The following FARP1 variants were observed in gnomAD, a reference collection of about 807,000 sequenced individuals.
The protein encoded by FARP1 is FERM, ARHGEF and pleckstrin domain-containing protein 1.
FARP1 carries 52 observed loss-of-function variants against 128.8 expected under a neutral mutation model. The ratio of observed to expected loss-of-function variants is 0.40; its 90% CI spans 0.32 to 0.51. The LOEUF (loss-of-function observed/expected upper bound fraction) is 0.51, where lower values mean the gene tolerates loss of function less well. FARP1 is among the 20% of genes least tolerant of loss of function. The pLI, the probability that FARP1 is intolerant of heterozygous loss-of-function variation, is 0.45. For missense variants in FARP1, 1,333 were observed against 1,367.9 expected (o/e 0.97, Z 0.40); for synonymous variants, 580 against 551.8 (o/e 1.05, Z -0.72).
At chr13:98,278,305 TGA>T (rs200011025) in intron 2 of FARP1, among the ~76,000 whole-genome samples, 6,077 of 150,692 alleles carry the variant, frequency 0.04, 154 homozygotes, top group Middle Eastern at 0.075. Flanking sequence ...TGTGTGTGTG[TGA>T]GAGTATACTG....
chr13:98,408,805 G>A (rs913700877), intron 13 of FARP1, among the ~76,000 whole-genome samples: 6 of 152,232 alleles, frequency 3.9e-5, no homozygotes, highest in African/African-American at 1.4e-4. Context: ...GACATGGAAT[G>A]ACATCACCAG....
At chr13:98,166,533 C>T (rs1215984205) in intron 1 of FARP1, among the ~76,000 whole-genome samples, 1 of 152,046 alleles carries the variant, frequency 6.6e-6, no homozygotes, top group Non-Finnish European at 1.5e-5. Context: ...GAAACTGAGG[C>T]AGGAGAGATG....
chr13:98,202,122 G>A (rs1030248891), intron 1 of FARP1, among the ~76,000 whole-genome samples: 8 of 152,204 alleles, frequency 5.3e-5, no homozygotes, highest in African/African-American at 1.2e-4. Flanking sequence ...GAGGAGGGCC[G>A]GGCTGGCAGC....
intron 2 of FARP1, among the ~76,000 whole-genome samples, chr13:98,228,253 G>A (rs1302497030): frequency 6.6e-6 from 1 of 152,160 alleles, no homozygotes; most frequent in Non-Finnish European, 1.5e-5. Flanking sequence ...CCAGCTACTG[G>A]GGAGGCTGAG....
At chr13:98,393,563 G>C in intron 11 of FARP1, 80 bp from the exon 12 acceptor site, 1 of 1,106,844 alleles carries the variant, frequency 9.0e-7, no homozygotes, top group South Asian at 1.3e-5. Context: ...CCAACAAAAG[G>C]ACTTTTGTTT....
intron 2 of FARP1, among the ~76,000 whole-genome samples, chr13:98,339,066 G>C (rs545474390): frequency 2.0e-5 from 3 of 152,212 alleles, no homozygotes; most frequent in Admixed American, 6.5e-5. Flanking sequence ...AGCGCTTTAG[G>C]CTTAGCTGCC....
At chr13:98,223,585 C>G (rs1881563791) in intron 2 of FARP1, among the ~76,000 whole-genome samples, 1 of 152,162 alleles carries the variant, frequency 6.6e-6, no homozygotes, top group African/African-American at 2.4e-5. Flanking sequence ...CTCGGCCTCC[C>G]AAAGTCCTGG....
At position 98,292,150 on chromosome 13, in the gene FARP1, C is replaced by G. The variant is rs564382218; in HGVS notation, c.172-51612C>G. 1.6e-4 allele frequency among the ~76,000 whole-genome samples: 24 copies of G among 152,356 alleles called. No individual in the cohort carries two copies. The South Asian group carries it at 5.0e-3, about 32-fold the overall frequency. Reference sequence around the variant, plus strand: ...AAGTGTGTTGTTCTGGAAGCATCCACAGCCCTTTCAGTGTATCTTACATGC... The same window carrying G: ...AAGTGTGTTGTTCTGGAAGCATCCAGAGCCCTTTCAGTGTATCTTACATGC... On this transcript the variant is annotated intron_variant, in intron 2 of 26. Transcript: ENST00000319562.
intron 1 of FARP1, among the ~76,000 whole-genome samples, chr13:98,184,077 G>A (rs924915739): frequency 2.6e-5 from 4 of 152,120 alleles, no homozygotes; most frequent in Non-Finnish European, 5.9e-5. Context: ...CTTGAGAAGG[G>A]AGAGCAGTGT....
intron 1 of FARP1, among the ~76,000 whole-genome samples, chr13:98,156,662 C>T (rs916739564): frequency 7.2e-5 from 11 of 152,210 alleles, no homozygotes; most frequent in African/African-American, 2.2e-4. Flanking sequence ...CCTGCCTCAG[C>T]CTCCCAAAGT....
At chr13:98,262,990 T>TA (rs1337991476) in intron 2 of FARP1, among the ~76,000 whole-genome samples, 1 of 151,026 alleles carries the variant, frequency 6.6e-6, no homozygotes, top group East Asian at 1.9e-4. Flanking sequence ...AGTTTCATCT[T>TA]AAACATTATT....
chr13:98,169,879 C>CA (rs58717563), intron 1 of FARP1, among the ~76,000 whole-genome samples: 9,471 of 150,744 alleles, frequency 0.063, 968 homozygotes, highest in African/African-American at 0.22. Flanking sequence ...CCTAAGTTTT[C>CA]AAAAAAAAAT....
At position 98,448,248 on chromosome 13, in the gene FARP1, G is replaced by C. The variant is rs147970162; in HGVS notation, c.3069G>C (p.Val1023=). The stretch of plus-strand genomic sequence containing the variant: ...TCCCGTGTTGCAGGTGGATGGAAGT[G>C]ATCCGCAGTGCCACCAGCTCTGCCT... The part of the protein sequence containing the change: ...SEYTFERWME[V]IRSATSSASR... Residue 1023 remains valine, a synonymous_variant, in exon 27 of 27, where the codon GTG becomes GTC. Transcript: ENST00000319562. 6.2e-7 allele frequency: 1 copy of C among 1,613,994 alleles called. No homozygotes were observed. Among genetic ancestry groups the C allele is most frequent in the Admixed American group, 1.7e-5 (1 of 60,032 alleles).
At chr13:98,422,245 G>A (rs146651130) in intron 16 of FARP1, among the ~76,000 whole-genome samples, 4 of 152,322 alleles carry the variant, frequency 2.6e-5, no homozygotes, top group African/African-American at 9.6e-5. Flanking sequence ...CAGTGGGGCC[G>A]ACCAGCCCGG....
At chr13:98,339,077 C>T (rs1047721219) in intron 2 of FARP1, among the ~76,000 whole-genome samples, 9 of 152,050 alleles carry the variant, frequency 5.9e-5, no homozygotes, top group Non-Finnish European at 8.8e-5. Context: ...CTTAGCTGCC[C>T]GGTACACATT....
intron 2 of FARP1, among the ~76,000 whole-genome samples, chr13:98,314,826 G>C (rs1886652775): frequency 6.6e-6 from 1 of 152,238 alleles, no homozygotes; most frequent in Admixed American, 6.5e-5. Context: ...AATAGGATGA[G>C]CCAATTAAGG....
intron 1 of FARP1, among the ~76,000 whole-genome samples, chr13:98,154,419 A>G (rs118010715): frequency 6.9e-4 from 105 of 152,340 alleles, no homozygotes; most frequent in Admixed American, 1.8e-3. Flanking sequence ...AACATCTTTA[A>G]GAAGGGCTTA....
chr13:98,330,687 G>A (rs1216619094), intron 2 of FARP1, among the ~76,000 whole-genome samples: 2 of 151,906 alleles, frequency 1.3e-5, no homozygotes, highest in East Asian at 1.9e-4. Flanking sequence ...CCTGGGAGGC[G>A]GAGGTTGCAG....
intron 17 of FARP1, among the ~76,000 whole-genome samples, chr13:98,428,923 TGCACGCACAC>T (rs1254501679): frequency 1.3e-5 from 2 of 152,146 alleles, no homozygotes; most frequent in African/African-American, 4.8e-5. Context: ...TGCACGCACA[TGCACGCACAC>T]ACATGCAAGA....
Sources: allele counts gnomAD v4.1 joint callset (sites outside exome capture counted in the v4.1 genomes callset), GRCh38; gene constraint gnomAD v4.1.1; transcripts MANE v1.5; gene names NCBI Gene and HGNC (gene_info 2026-07-23, HGNC 2026-07-21).